ABCC1: variants seen among roughly 807,000 people sequenced by gnomAD.
The protein encoded by ABCC1 is ATP binding cassette subfamily C member 1 (ABCC1 blood group), also known as multidrug resistance-associated protein 1.
Under a neutral mutation model 172.9 loss-of-function variants are expected in ABCC1, and 83 were observed. That is an observed-to-expected ratio of 0.48 (90% CI 0.40 to 0.58). The LOEUF (loss-of-function observed/expected upper bound fraction) is 0.58, where lower values mean the gene tolerates loss of function less well. Ranked by LOEUF, ABCC1 falls within the 20% of genes least tolerant of loss-of-function variation. ABCC1 has a pLI of 0.00. For synonymous variants in ABCC1, 937 were observed against 825.2 expected (o/e 1.14, Z -2.32); for missense variants, 1,817 against 2,002.7 (o/e 0.91, Z 1.77).
rs772594641 is a variant in ABCC1 at position 16,048,109 on chromosome 16, A to G, written c.1219-33A>G. 3.1e-6 allele frequency: 5 copies of G among 1,611,508 alleles called. No individual in the cohort carries two copies. The African/African-American group carries it at 6.7e-5, about 22-fold the overall frequency. On this transcript the variant is annotated intron_variant, in intron 9 of 30. Transcript: ENST00000399410. ...AGAGTCAGGCCTCTTCAGCTGCCAC[A>G]CTCACCCACCTTCCCTCTCCTTTGT...
At chr16:16,073,678 G>C (rs1249139866) in intron 14 of ABCC1, among the ~76,000 whole-genome samples, 1 of 152,154 alleles carries the variant, frequency 6.6e-6, no homozygotes, top group Non-Finnish European at 1.5e-5. Context: ...GATTGGCTGA[G>C]CCCGGGAGTT....
At chr16:15,991,291 G>A (rs75225717) in intron 1 of ABCC1, among the ~76,000 whole-genome samples, 1 of 151,918 alleles carries the variant, frequency 6.6e-6, no homozygotes, top group Non-Finnish European at 1.5e-5. Context: ...GTGTGGTGGG[G>A]TGCGGGGGGC....
intron 19 of ABCC1, among the ~76,000 whole-genome samples, chr16:16,091,509 A>C (rs569016678): frequency 3.9e-5 from 6 of 152,064 alleles, no homozygotes; most frequent in Non-Finnish European, 8.8e-5. Context: ...GTGGCAACTC[A>C]GGCAGGGGAT....
chr16:16,122,323 G>C, intron 24 of ABCC1, 149 bp downstream of exon 24: 1 of 820,334 alleles, frequency 1.2e-6, no homozygotes, highest in Non-Finnish European at 1.9e-6. Flanking sequence ...GAGCGCGGAG[G>C]ACAGATGAAT....
chr16:16,052,126 G>A (rs1301874561), intron 10 of ABCC1, among the ~76,000 whole-genome samples: 1 of 152,154 alleles, frequency 6.6e-6, no homozygotes, highest in African/African-American at 2.4e-5. Flanking sequence ...CTACTTGGGA[G>A]GCTGAGTTGG....
chr16:16,056,674 CA>C (rs1412176922), intron 12 of ABCC1: 1 of 222,546 alleles, frequency 4.5e-6, no homozygotes, highest in Non-Finnish European at 8.9e-6. Flanking sequence ...GTCTCAAAAA[CA>C]AACAAAAAAG....
Position 16,068,307 on chromosome 16 carries a change from A to AG in ABCC1, c.1824+10dup. The stretch of plus-strand genomic sequence containing the variant: ...GTCATCAGCAGCATCGTGCAGGTAC[A>AG]GGGGGAAGCTGGGGCGACTTCCGAG... On this transcript the variant is annotated splice_donor_region_variant and intron_variant, in intron 13 of 30. Transcript: ENST00000399410. 1 of 1,613,560 alleles carries AG rather than the reference A, an allele frequency of 6.2e-7. No homozygotes were observed.
chr16:16,129,648 G>A (rs553436269), intron 26 of ABCC1, among the ~76,000 whole-genome samples: 28 of 151,112 alleles, frequency 1.9e-4, no homozygotes, highest in South Asian at 1.3e-3. Flanking sequence ...AGTGATCGTC[G>A]TGTCTCAACC....
intron 1 of ABCC1, among the ~76,000 whole-genome samples, chr16:16,003,042 T>G (rs968649450): frequency 2.0e-5 from 3 of 152,156 alleles, no homozygotes; most frequent in Non-Finnish European, 4.4e-5. Context: ...TTAAAAATAA[T>G]TACAAAGAGA....
intron 11 of ABCC1, among the ~76,000 whole-genome samples, chr16:16,053,342 C>CT (rs1238411565): frequency 6.6e-6 from 1 of 152,032 alleles, no homozygotes; most frequent in Non-Finnish European, 1.5e-5. Context: ...TGGTCTCAAA[C>CT]TCCTGGGCTT....
At chr16:16,139,637 A>G (rs1388222337) in intron 30 of ABCC1, among the ~76,000 whole-genome samples, 1 of 150,528 alleles carries the variant, frequency 6.6e-6, no homozygotes, top group Admixed American at 6.6e-5. Context: ...AAAAAAAAGA[A>G]TATAATCCAA....
intron 9 of ABCC1, 108 bp from the exon 10 acceptor site, chr16:16,048,034 G>C: frequency 1.5e-6 from 2 of 1,370,994 alleles, no homozygotes. Flanking sequence ...GGAGAGATCT[G>C]CGGCATTTCT....
At chr16:16,038,554 C>T (rs748618462) in intron 7 of ABCC1, among the ~76,000 whole-genome samples, 6 of 152,160 alleles carry the variant, frequency 3.9e-5, no homozygotes, top group Non-Finnish European at 7.4e-5. Context: ...CGGTGCCACC[C>T]ACATGGGGCG....
chr16:16,084,938 C>A (rs968684001), intron 17 of ABCC1, among the ~76,000 whole-genome samples: 1 of 152,112 alleles, frequency 6.6e-6, no homozygotes, highest in African/African-American at 2.4e-5. Flanking sequence ...TGAGTATTTT[C>A]TGTATGTTGG....
Position 16,090,590 on chromosome 16 carries a change from T to C in ABCC1, c.2644+2T>C. On this transcript the variant is annotated splice_donor_variant, in intron 19 of 30. Coordinates refer to ENST00000399410, the MANE Select transcript of ABCC1 (RefSeq NM_004996.4). LOFTEE classifies it high-confidence loss of function. ...AGGAGCAGGATGCAGAGGAGAACGG[T>C]AGGGGCAGCCCCAGGGTTCCACCCA... 1 of 1,582,584 alleles carries C rather than the reference T, an allele frequency of 6.3e-7. No individual in the cohort carries two copies. Among genetic ancestry groups the C allele is most frequent in the South Asian group, 1.1e-5 (1 of 88,776 alleles).
intron 1 of ABCC1, among the ~76,000 whole-genome samples, chr16:15,962,901 T>G (rs903539022): frequency 6.6e-6 from 1 of 152,200 alleles, no homozygotes; most frequent in Non-Finnish European, 1.5e-5. Context: ...AACACAATTA[T>G]GCCTTCCCAA....
intron 5 of ABCC1, among the ~76,000 whole-genome samples, chr16:16,026,389 G>A (rs2048368276): frequency 8.2e-6 from 1 of 122,198 alleles, no homozygotes; most frequent in South Asian, 2.9e-4. Context: ...AGCTGAGAAC[G>A]CACCATTGCG....
intron 3 of ABCC1, among the ~76,000 whole-genome samples, chr16:16,012,445 G>GT (rs566569391): frequency 3.3e-4 from 50 of 151,924 alleles, no homozygotes; most frequent in African/African-American, 1.0e-3. Flanking sequence ...CTGAATTCGG[G>GT]TCTTGGGCTC....
intron 1 of ABCC1, among the ~76,000 whole-genome samples, chr16:15,956,127 A>C (rs543007938): frequency 1.3e-5 from 2 of 152,198 alleles, no homozygotes; most frequent in South Asian, 4.2e-4. Context: ...TAATCTCAGC[A>C]CTTTGGGAGG....
Sources: allele counts gnomAD v4.1 joint callset (sites outside exome capture counted in the v4.1 genomes callset), GRCh38; gene constraint gnomAD v4.1.1; transcripts MANE v1.5; gene names NCBI Gene and HGNC (gene_info 2026-07-23, HGNC 2026-07-21).